FSTL5: variants seen among roughly 807,000 people sequenced by gnomAD.
FSTL5 encodes the protein follistatin like 5.
A neutral mutation model predicts 89.1 loss-of-function variants in FSTL5; 62 were observed. That is an observed-to-expected ratio of 0.70 (90% confidence interval 0.57 to 0.86). The LOEUF (loss-of-function observed/expected upper bound fraction) is 0.86, where lower values mean the gene tolerates loss of function less well. FSTL5 is among the 40% of genes least tolerant of loss of function. FSTL5 has a pLI of 0.00. For synonymous variants in FSTL5, 383 were observed against 346.2 expected (o/e 1.11, Z -1.18); for missense variants, 1,057 against 1,001.6 (o/e 1.06, Z -0.75).
At chr4:161,912,967 GC>G (rs1733738573) in intron 4 of FSTL5, among the ~76,000 whole-genome samples, 1 of 152,256 alleles carries the variant, frequency 6.6e-6, no homozygotes, top group African/African-American at 2.4e-5. Context: ...CTTTGCCCCT[GC>G]CCCAGAAATT....
chr4:161,443,802 C>T (rs1732856323), intron 15 of FSTL5, among the ~76,000 whole-genome samples: 1 of 151,708 alleles, frequency 6.6e-6, no homozygotes, highest in South Asian at 2.1e-4. Flanking sequence ...GCACTGTAGA[C>T]AAAATGAGTA....
chr4:161,720,075 T>C (rs753353791), intron 6 of FSTL5, among the ~76,000 whole-genome samples: 1 of 151,772 alleles, frequency 6.6e-6, no homozygotes, highest in Non-Finnish European at 1.5e-5. Context: ...ACTAAAAAGT[T>C]CTCCTCAGCA....
chr4:161,521,457 G>A (rs1328851982), intron 10 of FSTL5, among the ~76,000 whole-genome samples: 1 of 151,864 alleles, frequency 6.6e-6, no homozygotes, highest in Non-Finnish European at 1.5e-5. Context: ...ATATGTTTAA[G>A]TGCCTGTAAA....
At chr4:161,944,124 G>C (rs903324021) in intron 3 of FSTL5, among the ~76,000 whole-genome samples, 5 of 152,088 alleles carry the variant, frequency 3.3e-5, no homozygotes, top group Non-Finnish European at 5.9e-5. Flanking sequence ...ACGAAACTCT[G>C]CTGAGTTATC....
At chr4:162,036,493 C>T (rs890089737) in intron 2 of FSTL5, among the ~76,000 whole-genome samples, 5 of 151,874 alleles carry the variant, frequency 3.3e-5, no homozygotes, top group South Asian at 2.1e-4. Context: ...ACTCACAGGA[C>T]GTATTTCAAC....
intron 3 of FSTL5, among the ~76,000 whole-genome samples, chr4:161,985,873 C>A (rs1300069802): frequency 1.3e-5 from 2 of 152,038 alleles, no homozygotes; most frequent in Non-Finnish European, 2.9e-5. Context: ...TCATATGAAA[C>A]AGGCATTGTT....
intron 3 of FSTL5, among the ~76,000 whole-genome samples, chr4:161,987,869 A>G (rs10021822): frequency 0.11 from 16,114 of 151,600 alleles, 2,131 homozygotes; most frequent in African/African-American, 0.3. Flanking sequence ...TCAAGAGACC[A>G]CTAAGACAGA....
chr4:161,770,932 T>C (rs543572613), intron 5 of FSTL5, among the ~76,000 whole-genome samples: 151 of 152,086 alleles, frequency 9.9e-4, no homozygotes, highest in Non-Finnish European at 1.6e-3. Context: ...TTAGGAACAC[T>C]CATGCGAGCT....
intron 11 of FSTL5, among the ~76,000 whole-genome samples, chr4:161,508,217 T>A (rs1730543101): frequency 6.6e-6 from 1 of 152,080 alleles, no homozygotes; most frequent in African/African-American, 2.4e-5. Context: ...GTACATGAAA[T>A]CATTTTTATT....
chr4:161,523,332 G>A (rs567303573), intron 10 of FSTL5, among the ~76,000 whole-genome samples: 1 of 152,060 alleles, frequency 6.6e-6, no homozygotes, highest in Non-Finnish European at 1.5e-5. Flanking sequence ...TGTATATATA[G>A]GCAGGAAGGA....
At chr4:161,949,658 T>A (rs868414000) in intron 3 of FSTL5, among the ~76,000 whole-genome samples, 1 of 151,876 alleles carries the variant, frequency 6.6e-6, no homozygotes, top group Non-Finnish European at 1.5e-5. Context: ...TTTATAGTAA[T>A]TATTATATTT....
intron 6 of FSTL5, among the ~76,000 whole-genome samples, chr4:161,671,053 G>T (rs193261921): frequency 3.5e-4 from 54 of 152,302 alleles, no homozygotes; most frequent in African/African-American, 1.3e-3. Context: ...TCTCAAGGCA[G>T]TCCAGCTCTA....
At chr4:161,560,504 CACTT>C (rs929267172) in intron 8 of FSTL5, among the ~76,000 whole-genome samples, 58 of 151,790 alleles carry the variant, frequency 3.8e-4, no homozygotes, top group African/African-American at 1.4e-3. Context: ...TCTGTAATAA[CACTT>C]AGCTTCAAAT....
chr4:161,745,835 A>G (rs1325588761), intron 6 of FSTL5, among the ~76,000 whole-genome samples: 2 of 152,122 alleles, frequency 1.3e-5, no homozygotes, highest in African/African-American at 4.8e-5. Context: ...GATTATAATA[A>G]AATGAATTAT....
intron 7 of FSTL5, among the ~76,000 whole-genome samples, chr4:161,606,620 C>T (rs1734454237): frequency 6.6e-6 from 1 of 152,070 alleles, no homozygotes; most frequent in Admixed American, 6.6e-5. Context: ...AGTTGATCAC[C>T]TTTTAAAAGT....
At chr4:162,106,831 C>T (rs1222438152) in intron 2 of FSTL5, among the ~76,000 whole-genome samples, 4 of 152,152 alleles carry the variant, frequency 2.6e-5, no homozygotes, top group Admixed American at 6.5e-5. Flanking sequence ...TCTTATTCCA[C>T]GACAATCTCT....
intron 12 of FSTL5, among the ~76,000 whole-genome samples, chr4:161,487,342 T>C (rs1369451701): frequency 2.0e-5 from 3 of 152,186 alleles, no homozygotes; most frequent in Non-Finnish European, 4.4e-5. Flanking sequence ...AACTGAATTC[T>C]AGAGTAGTAC....
At position 161,630,635 on chromosome 4, in the gene FSTL5, A is replaced by G. The variant is rs1735471807; in HGVS notation, c.894+25693T>C. On this transcript the variant is annotated intron_variant, in intron 7 of 15. Coordinates refer to ENST00000306100, the MANE Select transcript of FSTL5 (RefSeq NM_020116.5). Reference sequence around the variant, plus strand: ...CACTAACTTTAAATATTGGTTAAGTATGTCTCCACAAAGATGAATAATAAA... The same window carrying G: ...CACTAACTTTAAATATTGGTTAAGTGTGTCTCCACAAAGATGAATAATAAA... 3.3e-5 allele frequency among the ~76,000 whole-genome samples: 5 copies of G among 152,220 alleles called. No individual in the cohort carries two copies. In the South Asian group the frequency reaches 1.0e-3, roughly 31 times the overall value.
intron 3 of FSTL5, among the ~76,000 whole-genome samples, chr4:161,935,375 T>C (rs933124581): frequency 1.3e-5 from 2 of 152,132 alleles, no homozygotes; most frequent in African/African-American, 4.8e-5. Context: ...CAATGGGTGC[T>C]CAAAAAGGTC....
Sources: gnomAD v4.1 joint callset for allele counts (sites outside exome capture counted in the v4.1 genomes callset) on GRCh38, gnomAD v4.1.1 for gene constraint, MANE v1.5 for transcripts, NCBI Gene and HGNC (gene_info 2026-07-23, HGNC 2026-07-21) for gene names.